DGKI: variants seen among roughly 807,000 people sequenced by gnomAD.
DGKI encodes DAG kinase iota.
A neutral mutation model predicts 147.5 loss-of-function variants in DGKI; 55 were observed. The observed-to-expected ratio is 0.37, with a 90% confidence interval of 0.30 to 0.47. The LOEUF is 0.47. Ranked by LOEUF, DGKI falls within the 20% of genes least tolerant of loss-of-function variation. DGKI has a pLI of 1.00. For missense variants in DGKI, 1,007 were observed against 1,323.8 expected (o/e 0.76, Z 3.71); for synonymous variants, 469 against 477.1 (o/e 0.98, Z 0.22).
At chr7:137,472,204 C>CATACACATATATATGTATAT (rs1814945166) in intron 23 of DGKI, among the ~76,000 whole-genome samples, 1 of 101,150 alleles carries the variant, frequency 9.9e-6, no homozygotes, top group Non-Finnish European at 1.8e-5. Context: ...ATATTATATA[C>CATACACATATATATGTATAT]ATACACATAT....
chr7:137,567,817 T>C (rs1230877465), intron 19 of DGKI, among the ~76,000 whole-genome samples: 1 of 152,210 alleles, frequency 6.6e-6, no homozygotes, highest in Non-Finnish European at 1.5e-5. Flanking sequence ...AGAAAGTATC[T>C]TTTAAAAGTC....
chr7:137,618,507 A>T (rs550590693), intron 8 of DGKI, among the ~76,000 whole-genome samples: 1 of 152,072 alleles, frequency 6.6e-6, no homozygotes, highest in African/African-American at 2.4e-5. Flanking sequence ...AAGAGTAAGG[A>T]TCACGTATTT....
chr7:137,405,079 A>C (rs1488979363), intron 30 of DGKI, among the ~76,000 whole-genome samples: 3 of 152,160 alleles, frequency 2.0e-5, no homozygotes, highest in Non-Finnish European at 4.4e-5. Context: ...TACTGTGTTA[A>C]GGTGATATCA....
intron 21 of DGKI, among the ~76,000 whole-genome samples, chr7:137,508,399 T>G (rs1356202702): frequency 6.6e-6 from 1 of 151,846 alleles, no homozygotes; most frequent in Non-Finnish European, 1.5e-5. Flanking sequence ...GCTAATTTTT[T>G]GTATTTTTAG....
chr7:137,619,724 A>G, intron 8 of DGKI, 100 bp downstream of exon 8: 1 of 834,036 alleles, frequency 1.2e-6, no homozygotes, highest in Non-Finnish European at 2.0e-6. Flanking sequence ...GAGTGAACTG[A>G]GGTCATAGGA....
intron 14 of DGKI, among the ~76,000 whole-genome samples, chr7:137,583,943 A>G (rs2128982320): frequency 6.6e-6 from 1 of 152,308 alleles, no homozygotes; most frequent in Non-Finnish European, 1.5e-5. Flanking sequence ...GTTTAGGTGA[A>G]AAAACCATAA....
chr7:137,643,710 T>A (rs572778368), intron 6 of DGKI, among the ~76,000 whole-genome samples: 2 of 152,086 alleles, frequency 1.3e-5, no homozygotes, highest in Non-Finnish European at 2.9e-5. Context: ...CAACTCAGGG[T>A]GGAGGAAGCC....
At chr7:137,635,818 A>T (rs3778785) in intron 6 of DGKI, among the ~76,000 whole-genome samples, 11,588 of 152,206 alleles carry the variant, frequency 0.076, 1,364 homozygotes, top group African/African-American at 0.25. Flanking sequence ...AACCAGTGAG[A>T]GAAAGTAACA....
chr7:137,843,039 T>G (rs954692021), intron 1 of DGKI, among the ~76,000 whole-genome samples: 1 of 152,196 alleles, frequency 6.6e-6, no homozygotes, highest in Admixed American at 6.5e-5. Flanking sequence ...TTTTAAATTC[T>G]GCCTCCTGCC....
chr7:137,655,364 A>G (rs1156555779), intron 4 of DGKI, among the ~76,000 whole-genome samples: 5 of 151,946 alleles, frequency 3.3e-5, no homozygotes, highest in Non-Finnish European at 1.5e-5. Flanking sequence ...ACATCTGGCT[A>G]ATTTTTTGTA....
intron 1 of DGKI, among the ~76,000 whole-genome samples, chr7:137,837,370 T>C (rs1798414404): frequency 6.6e-6 from 1 of 152,204 alleles, no homozygotes; most frequent in Non-Finnish European, 1.5e-5. Context: ...TGGAAGTGCA[T>C]GGATTGCCTT....
intron 28 of DGKI, among the ~76,000 whole-genome samples, chr7:137,422,595 CTTTTTTTTTT>C (rs60494368): frequency 1.5e-4 from 9 of 61,996 alleles, no homozygotes; most frequent in South Asian, 9.3e-4. Context: ...TTTTTCTTTT[CTTTTTTTTTT>C]TTTTTTTTTT....
rs60078498 is a variant in DGKI, at chr7:137,672,766, CTTTTTTTTTTTTTT to C, written c.606+5777_606+5790del. On this transcript the variant is annotated intron_variant, in intron 3 of 32. Coordinates refer to ENST00000614521, the MANE Select transcript of DGKI (RefSeq NM_001321708.2). ...TCTCTGTGTGTGTGTCTCTGTGTGT[CTTTTTTTTTTTTTT>C]TTTTTTTTTTTTTTTTTGAGAGGGA... is the stretch of plus-strand genomic sequence containing the variant. Among the ~76,000 whole-genome samples, 13 of 65,688 alleles carry C rather than the reference CTTTTTTTTTTTTTT, an allele frequency of 2.0e-4. No homozygotes were observed. In the East Asian group the frequency reaches 2.9e-3, roughly 15 times the overall value. 43.1% of individuals were successfully genotyped at this position (65,688 alleles called of 152,430 possible).
intron 8 of DGKI, among the ~76,000 whole-genome samples, chr7:137,613,114 TC>T (rs1820421351): frequency 6.6e-6 from 1 of 152,140 alleles, no homozygotes. Flanking sequence ...CTTAACTACC[TC>T]TTATTAATCT....
intron 1 of DGKI, among the ~76,000 whole-genome samples, chr7:137,818,384 G>A (rs991311676): frequency 6.6e-6 from 1 of 152,166 alleles, no homozygotes; most frequent in East Asian, 1.9e-4. Flanking sequence ...CATGAACTGA[G>A]CTCCTGTCAC....
At chr7:137,624,612 G>GTT (rs566489222) in intron 6 of DGKI, among the ~76,000 whole-genome samples, 2 of 146,902 alleles carry the variant, frequency 1.4e-5, no homozygotes, top group Non-Finnish European at 3.0e-5. Context: ...TTTTGTTTTT[G>GTT]TTTTTTTTTT....
chr7:137,601,057 G>T lies in DGKI; in HGVS notation c.1168-1152C>A, dbSNP rs527249315. Among the ~76,000 whole-genome samples, 17 of 151,386 alleles carry T rather than the reference G, an allele frequency of 1.1e-4. No homozygotes were observed. In the East Asian group the frequency reaches 2.9e-3, roughly 26 times the overall value. ...GAGGCCGAGGCGGGCAGATCACAAG[G>T]TCAGGAGATTGAGACCATCCTGGCG... On this transcript the variant is annotated intron_variant, in intron 10 of 32. Transcript: ENST00000614521.
At chr7:137,822,554 A>G (rs574244749) in intron 1 of DGKI, among the ~76,000 whole-genome samples, 2 of 152,262 alleles carry the variant, frequency 1.3e-5, no homozygotes, top group South Asian at 2.1e-4. Flanking sequence ...CCAGGACCCC[A>G]CGGTGAAGCA....
At chr7:137,715,176 A>G (rs1276252568) in intron 1 of DGKI, among the ~76,000 whole-genome samples, 1 of 152,194 alleles carries the variant, frequency 6.6e-6, no homozygotes, top group African/African-American at 2.4e-5. Flanking sequence ...AATCTGATCT[A>G]AATGGTACGG....
Sources: gnomAD v4.1 joint callset for allele counts (sites outside exome capture counted in the v4.1 genomes callset) on GRCh38, gnomAD v4.1.1 for gene constraint, MANE v1.5 for transcripts, NCBI Gene and HGNC (gene_info 2026-07-23, HGNC 2026-07-21) for gene names.